The following B3GALT1 variants were observed in gnomAD, a reference collection of about 807,000 sequenced individuals.
B3GALT1 encodes the protein beta-1,3-galactosyltransferase 1.
A neutral mutation model predicts 23.2 loss-of-function variants in B3GALT1; 10 were observed. The observed-to-expected ratio is 0.43, with a 90% CI of 0.27 to 0.73. B3GALT1 has a LOEUF of 0.73. Among genes scored for constraint, B3GALT1 ranks in the 30% least tolerant of loss-of-function variants. The pLI is 0.21. For missense variants in B3GALT1, 299 were observed against 405.4 expected (o/e 0.74, Z 2.25); for synonymous variants, 156 against 141.5 (o/e 1.10, Z -0.73).
chr2:167,634,734 C>T (rs948857509), intron 2 of B3GALT1, among the ~76,000 whole-genome samples: 16 of 152,018 alleles, frequency 1.1e-4, no homozygotes, highest in Non-Finnish European at 2.1e-4. Flanking sequence ...AAAAAAATCC[C>T]AGGTCCAGAT....
intron 3 of B3GALT1, among the ~76,000 whole-genome samples, chr2:167,795,676 G>A (rs56378641): frequency 0.11 from 17,178 of 152,096 alleles, 1,325 homozygotes; most frequent in African/African-American, 0.21. Flanking sequence ...ACCAACAGGA[G>A]TCCATGCTGG....
intron 1 of B3GALT1, among the ~76,000 whole-genome samples, chr2:167,460,896 C>T (rs1482861069): frequency 6.6e-6 from 1 of 152,140 alleles, no homozygotes; most frequent in East Asian, 1.9e-4. Flanking sequence ...TGAGCTTGTA[C>T]AATTGCTTTC....
chr2:167,497,464 C>T (rs1256260802), intron 2 of B3GALT1, among the ~76,000 whole-genome samples: 1 of 152,134 alleles, frequency 6.6e-6, no homozygotes, highest in Non-Finnish European at 1.5e-5. Context: ...AAGCAAGATG[C>T]TCAATTGTAC....
chr2:167,483,954 A>G (rs536007815), intron 1 of B3GALT1, among the ~76,000 whole-genome samples: 3 of 152,324 alleles, frequency 2.0e-5, no homozygotes, highest in South Asian at 2.1e-4. Context: ...ATTGCACACA[A>G]CAAGCATCTT....
intron 2 of B3GALT1, among the ~76,000 whole-genome samples, chr2:167,627,411 T>C (rs1179985282): frequency 6.6e-6 from 1 of 151,736 alleles, no homozygotes. Flanking sequence ...GACATGTAAA[T>C]TGAATCATGC....
In B3GALT1 at chr2:167,687,335, A is replaced by G. The variant is rs78026548; in HGVS notation, c.-352+40369A>G. On this transcript the variant is annotated intron_variant, in intron 3 of 4. Coordinates refer to ENST00000392690, the MANE Select transcript of B3GALT1 (RefSeq NM_020981.4). ...CCTAAATTGCTGAAACCACATCTCTAATTTAACAGCGAACATATTTAAGTG... is the reference window on the plus strand; with the variant it reads ...CCTAAATTGCTGAAACCACATCTCTGATTTAACAGCGAACATATTTAAGTG... Among the ~76,000 whole-genome samples the G allele has an allele frequency of 0.01, 1,536 of 152,324 alleles. 59 individuals carry two copies. The East Asian group carries it at 0.14, about 14-fold the overall frequency.
chr2:167,580,943 G>C (rs558868978), intron 2 of B3GALT1, among the ~76,000 whole-genome samples: 1 of 152,110 alleles, frequency 6.6e-6, no homozygotes, highest in Non-Finnish European at 1.5e-5. Context: ...TTATATATTT[G>C]ATTTTTTAAA....
At chr2:167,583,530 C>T (rs1367823453) in intron 2 of B3GALT1, among the ~76,000 whole-genome samples, 1 of 152,038 alleles carries the variant, frequency 6.6e-6, no homozygotes, top group Non-Finnish European at 1.5e-5. Flanking sequence ...AACATTATAT[C>T]TGTTACTTTA....
chr2:167,298,108 G>T (rs554588741), intron 1 of B3GALT1, among the ~76,000 whole-genome samples: 3 of 152,046 alleles, frequency 2.0e-5, no homozygotes, highest in Non-Finnish European at 4.4e-5. Context: ...ACCAACAAAT[G>T]GTTACCATAT....
chr2:167,699,630 G>A lies in B3GALT1; in HGVS notation c.-352+52664G>A, dbSNP rs139801435. ...ATGAAAATTACTTTTAGTTATTATA[G>A]CATCTCAGTCATCAATAAAATGTTA... On this transcript the variant is annotated intron_variant, in intron 3 of 4. Coordinates refer to ENST00000392690, the MANE Select transcript of B3GALT1 (RefSeq NM_020981.4). Among the ~76,000 whole-genome samples the A allele has an allele frequency of 6.4e-3, 966 of 151,970 alleles. 10 individuals are homozygous for A. Among genetic ancestry groups the A allele is most frequent in the African/African-American group, 0.022 (910 of 41,444 alleles).
intron 3 of B3GALT1, among the ~76,000 whole-genome samples, chr2:167,737,751 T>C (rs1687514703): frequency 6.6e-6 from 1 of 152,220 alleles, no homozygotes; most frequent in Non-Finnish European, 1.5e-5. Flanking sequence ...TCCTCATGAA[T>C]CCAAGGAGTA....
At chr2:167,706,658 T>C (rs753195033) in intron 3 of B3GALT1, among the ~76,000 whole-genome samples, 1 of 152,172 alleles carries the variant, frequency 6.6e-6, no homozygotes, top group Non-Finnish European at 1.5e-5. Context: ...TGCATGTAGG[T>C]GGTAAGTGCA....
Position 167,816,576 on chromosome 2 carries a change from TTTCTTTG to T in B3GALT1, c.-351-2092_-351-2086del, listed in dbSNP as rs1458675185. Among the ~76,000 whole-genome samples, 6 of 152,200 alleles carry T rather than the reference TTTCTTTG, an allele frequency of 3.9e-5. No homozygotes were observed. The East Asian group carries it at 1.2e-3, about 29-fold the overall frequency. Reference sequence around the variant, plus strand: ...CATTTCTTTCATTCCTTGCTTCCCTTTTCTTTGTTCAATAATATTTTATAGAAGATGC... The same window carrying T: ...CATTTCTTTCATTCCTTGCTTCCCTTTTCAATAATATTTTATAGAAGATGC... On this transcript the variant is annotated intron_variant, in intron 3 of 4. Transcript: ENST00000392690.
chr2:167,555,645 A>C (rs1289297368), intron 2 of B3GALT1, among the ~76,000 whole-genome samples: 4 of 152,214 alleles, frequency 2.6e-5, no homozygotes, highest in African/African-American at 9.6e-5. Flanking sequence ...GGGAAAGAAA[A>C]GCAAGAGTGA....
intron 1 of B3GALT1, among the ~76,000 whole-genome samples, chr2:167,433,073 G>A (rs769354073): frequency 5.9e-5 from 9 of 152,234 alleles, no homozygotes; most frequent in African/African-American, 1.4e-4. Flanking sequence ...ATACCTCTGC[G>A]CTTGAATAGT....
At chr2:167,601,944 T>G (rs750479906) in intron 2 of B3GALT1, among the ~76,000 whole-genome samples, 85 of 152,184 alleles carry the variant, frequency 5.6e-4, no homozygotes, top group Non-Finnish European at 1.0e-3. Flanking sequence ...ATGGTGACCT[T>G]CAAAGTTCTT....
intron 2 of B3GALT1, among the ~76,000 whole-genome samples, chr2:167,528,907 C>T (rs1179186885): frequency 6.6e-6 from 1 of 152,102 alleles, no homozygotes; most frequent in Middle Eastern, 3.2e-3. Flanking sequence ...CTTCTGGCTT[C>T]TCTGCTCCCT....
chr2:167,690,847 C>T (rs1686700770), intron 3 of B3GALT1, among the ~76,000 whole-genome samples: 1 of 152,082 alleles, frequency 6.6e-6, no homozygotes, highest in Non-Finnish European at 1.5e-5. Context: ...TCATTGTTCT[C>T]TTCCCTTTGG....
At chr2:167,377,448 A>C (rs924382077) in intron 1 of B3GALT1, among the ~76,000 whole-genome samples, 2 of 152,064 alleles carry the variant, frequency 1.3e-5, no homozygotes, top group African/African-American at 2.4e-5. Context: ...CCCCACTATT[A>C]TTGTGTGGCT....
Sources: gnomAD v4.1 joint callset for allele counts (sites outside exome capture counted in the v4.1 genomes callset) on GRCh38, gnomAD v4.1.1 for gene constraint, MANE v1.5 for transcripts, NCBI Gene and HGNC (gene_info 2026-07-23, HGNC 2026-07-21) for gene names.